Variants in NXN observed in about 807,000 individuals in gnomAD.
The protein encoded by NXN is nucleoredoxin, also known as nucleoredoxin 1.
A neutral mutation model predicts 48.6 loss-of-function variants in NXN; 16 were observed. That is an observed-to-expected ratio of 0.33 (90% CI 0.22 to 0.50). The LOEUF is 0.50. Among genes scored for constraint, NXN ranks in the 20% least tolerant of loss-of-function variants. The pLI is 0.98. For missense variants in NXN, 492 were observed against 605.5 expected (o/e 0.81, Z 1.97); for synonymous variants, 281 against 269.6 (o/e 1.04, Z -0.41).
intron 1 of NXN, among the ~76,000 whole-genome samples, chr17:969,216 T>G (rs1440858029): frequency 6.6e-6 from 1 of 152,138 alleles, no homozygotes; most frequent in East Asian, 1.9e-4. Context: ...ATTATGTCAT[T>G]CAATCCTTAA....
At chr17:803,972 G>A in intron 6 of NXN, 166 bp from the exon 7 acceptor site, 1 of 815,938 alleles carries the variant, frequency 1.2e-6, no homozygotes, top group Non-Finnish European at 1.9e-6. Flanking sequence ...CGCATGCATG[G>A]GTGTGTGTGC....
chr17:893,456 A>C (rs1567852038), intron 1 of NXN, among the ~76,000 whole-genome samples: 2 of 152,222 alleles, frequency 1.3e-5, no homozygotes, highest in East Asian at 3.8e-4. Context: ...TTCAAAAATT[A>C]TCTCCATCGC....
rs757000273 is a variant in NXN at position 979,702 on chromosome 17, G to A, written c.-24C>T. 4 of 1,384,120 alleles carry A rather than the reference G, an allele frequency of 2.9e-6. No homozygotes were observed. The highest frequency in any genetic ancestry group is 3.0e-5 in the East Asian group (1 of 33,054). 85.7% of individuals were successfully genotyped at this position (1,384,120 alleles called of 1,614,324 possible). A position where few individuals can be genotyped will look rare whatever the true frequency, so the allele number is the denominator to read the frequency against. On this transcript the variant is annotated 5_prime_UTR_variant, in exon 1 of 8. Coordinates refer to ENST00000336868, the MANE Select transcript of NXN (RefSeq NM_022463.5). Reference sequence around the variant, plus strand: ...ATCCTGGCCCACCGCAGGGCGGGCAGGCGGCTGCGACCCCGCTCCACGGTC... The same window carrying A: ...ATCCTGGCCCACCGCAGGGCGGGCAAGCGGCTGCGACCCCGCTCCACGGTC...
chr17:835,412 G>GA (rs921499232), intron 1 of NXN, among the ~76,000 whole-genome samples: 5 of 151,492 alleles, frequency 3.3e-5, no homozygotes, highest in Non-Finnish European at 7.4e-5. Flanking sequence ...AGAGAACAAA[G>GA]AAAAAAAACA....
intron 1 of NXN, among the ~76,000 whole-genome samples, chr17:887,849 G>A (rs2068365621): frequency 6.6e-6 from 1 of 152,214 alleles, no homozygotes; most frequent in Admixed American, 6.5e-5. Flanking sequence ...TGGAAAAGAA[G>A]AACAGAGAGG....
At position 805,123 on chromosome 17, in the gene NXN, G is replaced by C; in HGVS notation, c.945C>G (p.Leu315=). The C allele has an allele frequency of 7.5e-6, 12 of 1,610,474 alleles. No individual in the cohort carries two copies. Among genetic ancestry groups the C allele is most frequent in the Non-Finnish European group, 1.0e-5 (12 of 1,178,972 alleles). Residue 315 remains leucine, a synonymous_variant, in exon 6 of 8, where the codon CTC becomes CTG. Transcript: ENST00000336868. ...TAAGCTGCGCGGCGTTGGAGTCGGAGAGCTCCAGCACGGGCTTGGGGTGCC... is the reference window on the plus strand; with the variant it reads ...TAAGCTGCGCGGCGTTGGAGTCGGACAGCTCCAGCACGGGCTTGGGGTGCC... ...FPWHPKPVLE[L]SDSNAAQLNE...
intron 1 of NXN, among the ~76,000 whole-genome samples, chr17:970,119 G>C (rs1221984192): frequency 6.6e-6 from 1 of 152,198 alleles, no homozygotes; most frequent in African/African-American, 2.4e-5. Flanking sequence ...GCAAGCCGCA[G>C]AAAATTTACG....
rs2644712 is a variant in NXN at position 864,156 on chromosome 17, G to C, written c.361-38078C>G. ...GAAGGGGCACGTTCACCGTTGCTCG[G>C]TTCCGGTGAAGGGACGCGTCTGCCG... On this transcript the variant is annotated intron_variant, in intron 1 of 7. Coordinates refer to ENST00000336868, the MANE Select transcript of NXN (RefSeq NM_022463.5). 0.082 allele frequency: 67,762 copies of C among 828,030 alleles called. 590 individuals are homozygous for C. Among genetic ancestry groups the C allele is most frequent in the African/African-American group, 0.21 (3,959 of 18,738 alleles). 51.3% of individuals were successfully genotyped at this position (828,030 alleles called of 1,614,324 possible).
intron 1 of NXN, among the ~76,000 whole-genome samples, chr17:841,700 GCC>G (rs1914330660): frequency 1.8e-4 from 23 of 128,640 alleles, no homozygotes; most frequent in East Asian, 2.4e-4. Flanking sequence ...CACATCTCAC[GCC>G]GGTGAGCAGG....
intron 1 of NXN, among the ~76,000 whole-genome samples, chr17:850,195 G>T (rs767946371): frequency 1.3e-5 from 2 of 152,126 alleles, no homozygotes; most frequent in Non-Finnish European, 2.9e-5. Context: ...CCTGACGGAC[G>T]CTCTCAGCCC....
At chr17:930,143 G>A (rs550790909) in intron 1 of NXN, 1 of 152,122 alleles carries the variant, frequency 6.6e-6, no homozygotes, top group Admixed American at 6.6e-5. Flanking sequence ...AAGTTAAAAA[G>A]GGGACTCAGG....
intron 1 of NXN, among the ~76,000 whole-genome samples, chr17:944,490 G>A (rs954057169): frequency 7.2e-5 from 11 of 152,208 alleles, no homozygotes; most frequent in Non-Finnish European, 1.0e-4. Context: ...TTCACCAAGC[G>A]TGGGGCTCCC....
chr17:944,585 C>T (rs76674876), intron 1 of NXN, among the ~76,000 whole-genome samples: 4,552 of 152,234 alleles, frequency 0.03, 213 homozygotes, highest in African/African-American at 0.1. Flanking sequence ...AGGACCAGCC[C>T]TTTTTTCCTC....
chr17:822,599 G>A, intron 3 of NXN, 142 bp from the exon 4 acceptor site: 1 of 614,366 alleles, frequency 1.6e-6, no homozygotes, highest in South Asian at 2.0e-5. Flanking sequence ...AAATGAGATG[G>A]GTATGGTGGC....
intron 5 of NXN, among the ~76,000 whole-genome samples, chr17:808,094 C>T (rs1398830776): frequency 6.6e-6 from 1 of 152,152 alleles, no homozygotes; most frequent in Non-Finnish European, 1.5e-5. Context: ...CTCTTCCTGC[C>T]AGGCCGTGGA....
chr17:844,835 G>A (rs1157407189), intron 1 of NXN, among the ~76,000 whole-genome samples: 2 of 151,846 alleles, frequency 1.3e-5, no homozygotes, highest in African/African-American at 4.8e-5. Flanking sequence ...TGCCCGCCTC[G>A]GCCTCCCAAA....
At chr17:955,573 C>T (rs2069157225) in intron 1 of NXN, among the ~76,000 whole-genome samples, 1 of 151,636 alleles carries the variant, frequency 6.6e-6, no homozygotes, top group South Asian at 2.1e-4. Flanking sequence ...ACTGGCCCAG[C>T]CAGACGCGGT....
chr17:963,913 T>C (rs2069270084), intron 1 of NXN, among the ~76,000 whole-genome samples: 1 of 150,674 alleles, frequency 6.6e-6, no homozygotes, highest in Non-Finnish European at 1.5e-5. Context: ...CCGTCTCTAC[T>C]AAAAATACAA....
At chr17:927,394 A>G (rs1158120109) in intron 1 of NXN, among the ~76,000 whole-genome samples, 1 of 152,080 alleles carries the variant, frequency 6.6e-6, no homozygotes, top group Non-Finnish European at 1.5e-5. Context: ...AGATCGCTTG[A>G]GCTCACAAGT....
Sources: allele counts gnomAD v4.1 joint callset (sites outside exome capture counted in the v4.1 genomes callset), GRCh38; gene constraint gnomAD v4.1.1; transcripts MANE v1.5; gene names NCBI Gene and HGNC (gene_info 2026-07-23, HGNC 2026-07-21).